Variants in R3HDM1 observed in about 807,000 individuals in gnomAD.
R3HDM1 encodes R3H domain containing 1, also known as R3H domain-containing protein 1.
R3HDM1 carries 46 observed loss-of-function variants against 141.1 expected under a neutral mutation model. The observed-to-expected ratio is 0.33, with a 90% confidence interval of 0.26 to 0.42. The LOEUF (loss-of-function observed/expected upper bound fraction) is 0.42. R3HDM1 is among the 10% of genes least tolerant of loss of function. The probability of loss-of-function intolerance (pLI) is 1.00; values close to 1 mark genes in which losing one functional copy is unlikely to be tolerated. For missense variants in R3HDM1, 1,184 were observed against 1,368.3 expected (o/e 0.87, Z 2.12); for synonymous variants, 435 against 472.9 (o/e 0.92, Z 1.04).
At chr2:135,704,749 A>G (rs1275166662) in intron 21 of R3HDM1, among the ~76,000 whole-genome samples, 1 of 152,114 alleles carries the variant, frequency 6.6e-6, no homozygotes, top group African/African-American at 2.4e-5. Flanking sequence ...ATGAGCCACC[A>G]CACCCAGCCT....
intron 21 of R3HDM1, among the ~76,000 whole-genome samples, chr2:135,682,657 A>G (rs1348729139): frequency 6.6e-6 from 1 of 152,264 alleles, no homozygotes; most frequent in East Asian, 1.9e-4. Flanking sequence ...ACAGAAATTA[A>G]AAGATAGATG....
chr2:135,650,569 T>A lies in R3HDM1; in HGVS notation c.1725+566T>A, dbSNP rs2105276547. The A allele has an allele frequency of 4.1e-6, 4 of 981,310 alleles. 1 individual carries two copies. The highest frequency in any genetic ancestry group is 5.2e-4 in the Middle Eastern group (1 of 1,908). 60.8% of individuals were successfully genotyped at this position (981,310 alleles called of 1,614,324 possible). A position where few individuals can be genotyped will look rare whatever the true frequency, so the allele number is the denominator to read the frequency against. On this transcript the variant is annotated intron_variant, in intron 17 of 26. Coordinates refer to ENST00000683871, the MANE Select transcript of R3HDM1 (RefSeq NM_001378107.1). Reference sequence around the variant, plus strand: ...CTTTTTTCCAAGGTGACTCTGAGAGTGGTATACAATTATGGTACTTCTGTT... The same window carrying A: ...CTTTTTTCCAAGGTGACTCTGAGAGAGGTATACAATTATGGTACTTCTGTT...
chr2:135,686,228 T>G (rs904003715), intron 21 of R3HDM1, among the ~76,000 whole-genome samples: 3 of 152,180 alleles, frequency 2.0e-5, no homozygotes, highest in Non-Finnish European at 4.4e-5. Context: ...GTTGGGAATG[T>G]AAAATGGTGT....
chr2:135,654,908 CT>C (rs962464895), intron 18 of R3HDM1, among the ~76,000 whole-genome samples: 9 of 133,232 alleles, frequency 6.8e-5, no homozygotes, highest in African/African-American at 2.1e-4. Flanking sequence ...GTGTGTTTGT[CT>C]TTTTGTTATT....
chr2:135,579,895 A>G (rs1706402791), intron 1 of R3HDM1, among the ~76,000 whole-genome samples: 1 of 152,214 alleles, frequency 6.6e-6, no homozygotes, highest in Non-Finnish European at 1.5e-5. Context: ...GATGAGGTAT[A>G]TACAGGAAGT....
intron 1 of R3HDM1, among the ~76,000 whole-genome samples, chr2:135,544,367 G>C (rs892285613): frequency 3.9e-5 from 6 of 152,162 alleles, no homozygotes; most frequent in African/African-American, 1.4e-4. Flanking sequence ...AGATTTACTG[G>C]AATAGGGGCA....
chr2:135,583,844 A>G, intron 1 of R3HDM1: 3 of 985,476 alleles, frequency 3.0e-6, no homozygotes, highest in Non-Finnish European at 3.6e-6. Context: ...TTCGATTTAG[A>G]TAATTAAATT....
rs1284282453 is a variant in R3HDM1, at chr2:135,622,437, C to T, written c.419-217C>T. ...AGGTTAATTTTTTTTTAAGAATGTG[C>T]GTGGATATGCAGTTATATAAACTCA... On this transcript the variant is annotated intron_variant, in intron 6 of 26. Transcript: ENST00000683871. 1.3e-5 allele frequency: 13 copies of T among 983,582 alleles called. No individual in the cohort carries two copies. The South Asian group carries it at 2.4e-4, about 18-fold the overall frequency. The allele number at this position is 983,582 out of a possible 1,614,324, so 60.9% of individuals were successfully genotyped here.
chr2:135,580,764 C>T (rs1008553283), intron 1 of R3HDM1, among the ~76,000 whole-genome samples: 3 of 152,194 alleles, frequency 2.0e-5, no homozygotes, highest in Non-Finnish European at 4.4e-5. Flanking sequence ...CAGCTCTTGC[C>T]TTGCTGAGCT....
At chr2:135,565,697 G>A (rs1346198733) in intron 1 of R3HDM1, 1 of 151,856 alleles carries the variant, frequency 6.6e-6, no homozygotes, top group African/African-American at 2.4e-5. Flanking sequence ...ACTGCTCAGA[G>A]CCAGACTTGA....
At chr2:135,606,415 C>T (rs1268237246) in intron 3 of R3HDM1, 3 of 152,084 alleles carry the variant, frequency 2.0e-5, no homozygotes, top group Non-Finnish European at 4.4e-5. Context: ...GAATTAGACC[C>T]TACCTCTCAG....
intron 1 of R3HDM1, chr2:135,565,850 G>T: frequency 1.3e-5 from 2 of 152,834 alleles, no homozygotes; most frequent in South Asian, 3.7e-4. Flanking sequence ...TCAAAGGAAT[G>T]AGAAAAAGAC....
chr2:135,554,384 A>G (rs1363370314), intron 1 of R3HDM1, among the ~76,000 whole-genome samples: 2 of 152,192 alleles, frequency 1.3e-5, no homozygotes, highest in Non-Finnish European at 2.9e-5. Flanking sequence ...ATGCGTTTGA[A>G]TGGATATATG....
intron 26 of R3HDM1, among the ~76,000 whole-genome samples, chr2:135,723,494 G>A (rs999810506): frequency 2.6e-5 from 4 of 151,694 alleles, no homozygotes; most frequent in Non-Finnish European, 4.4e-5. Context: ...GTCCCTGGCC[G>A]GATGCAGTGC....
At chr2:135,721,710 C>T (rs555334057) in intron 24 of R3HDM1, 2 of 408,596 alleles carry the variant, frequency 4.9e-6, no homozygotes, top group Non-Finnish European at 9.2e-6. Context: ...GCCTCAGCCT[C>T]CTGAGTAGCT....
chr2:135,592,359 G>T (rs1416399573), intron 1 of R3HDM1, among the ~76,000 whole-genome samples: 1 of 152,138 alleles, frequency 6.6e-6, no homozygotes, highest in Non-Finnish European at 1.5e-5. Flanking sequence ...TGTCTTTGGT[G>T]TACCCTATGT....
At chr2:135,538,410 G>A (rs946359876) in intron 1 of R3HDM1, among the ~76,000 whole-genome samples, 3 of 151,736 alleles carry the variant, frequency 2.0e-5, no homozygotes, top group Non-Finnish European at 2.9e-5. Context: ...TGTATACTTG[G>A]GTTCCACTAA....
At chr2:135,612,284 G>A (rs910064465) in intron 3 of R3HDM1, among the ~76,000 whole-genome samples, 1 of 152,140 alleles carries the variant, frequency 6.6e-6, no homozygotes, top group Non-Finnish European at 1.5e-5. Flanking sequence ...ACCTAGAAAA[G>A]TACTGAGAAT....
At chr2:135,649,362 T>C (rs1295706957) in intron 16 of R3HDM1, 3 of 152,186 alleles carry the variant, frequency 2.0e-5, no homozygotes, top group African/African-American at 7.2e-5. Context: ...AGAGCTTTTT[T>C]CTTATAAAAT....
Sources: gnomAD v4.1 joint callset for allele counts (sites outside exome capture counted in the v4.1 genomes callset) on GRCh38, gnomAD v4.1.1 for gene constraint, MANE v1.5 for transcripts, NCBI Gene and HGNC (gene_info 2026-07-23, HGNC 2026-07-21) for gene names.